The following STARD13 variants were observed in gnomAD, a reference collection of about 807,000 sequenced individuals.
The protein encoded by STARD13 is StAR related lipid transfer domain containing 13, also known as stAR-related lipid transfer protein 13.
Under a neutral mutation model 106.4 loss-of-function variants are expected in STARD13, and 62 were observed. That is an observed-to-expected ratio of 0.58 (90% CI 0.48 to 0.72). The LOEUF is 0.72. Among genes scored for constraint, STARD13 ranks in the 30% least tolerant of loss-of-function variants. The pLI is 0.00. For missense variants in STARD13, 1,387 were observed against 1,424.0 expected, an observed-to-expected ratio of 0.97 and a Z score of 0.42; for synonymous variants, 565 against 553.0, an observed-to-expected ratio of 1.02 and a Z score of -0.31.
chr13:33,308,707 A>G (rs1246373511), intron 1 of STARD13, among the ~76,000 whole-genome samples: 1 of 151,722 alleles, frequency 6.6e-6, no homozygotes, highest in African/African-American at 2.4e-5. Flanking sequence ...TGTTTTTAGT[A>G]GAGACAACGT....
rs1329397581 is a variant in STARD13 at position 33,338,950 on chromosome 13, G to T, written c.124+11340C>A. Among the ~76,000 whole-genome samples, 4 of 151,844 alleles carry T rather than the reference G, an allele frequency of 2.6e-5. No individual in the cohort carries two copies. In the South Asian group the frequency reaches 8.3e-4, roughly 32 times the overall value. On this transcript the variant is annotated intron_variant, in intron 1 of 5. Coordinates refer to the STARD13 transcript ENST00000567873. ...AAAGCATATGAATCTAGAAGTGAAG[G>T]AAATGGGTGGTTTCGGGTGGGGGTT...
At chr13:33,161,583 G>T (rs1882631475) in intron 3 of STARD13, among the ~76,000 whole-genome samples, 1 of 152,166 alleles carries the variant, frequency 6.6e-6, no homozygotes, top group Non-Finnish European at 1.5e-5. Context: ...CCAAAGTGCT[G>T]GGATTACAGG....
At chr13:33,384,463 C>T in the STARD13 span, among the ~76,000 whole-genome samples, 84 of 152,042 alleles carry the variant, frequency 5.5e-4, no homozygotes, top group African/African-American at 6.0e-4. Context: ...TCCACTGGCC[C>T]GAGAAAGCAA....
chr13:33,171,593 A>G (rs1237261899), intron 1 of STARD13, among the ~76,000 whole-genome samples: 1 of 152,198 alleles, frequency 6.6e-6, no homozygotes, highest in African/African-American at 2.4e-5. Flanking sequence ...CACACTCCCT[A>G]GCCCTATCAC....
the STARD13 span, among the ~76,000 whole-genome samples, chr13:33,561,306 A>T: frequency 6.6e-6 from 1 of 151,416 alleles, no homozygotes; most frequent in Non-Finnish European, 1.5e-5. Context: ...AAAAACATGG[A>T]GTTTTTATGG....
chr13:33,628,946 C>A, the STARD13 span, among the ~76,000 whole-genome samples: 3 of 152,188 alleles, frequency 2.0e-5, no homozygotes, highest in African/African-American at 7.2e-5. Flanking sequence ...TTGCTCAGTG[C>A]CAATGATCAA....
chr13:33,668,620 G>A, the STARD13 span, among the ~76,000 whole-genome samples: 1 of 152,236 alleles, frequency 6.6e-6, no homozygotes, highest in Non-Finnish European at 1.5e-5. Context: ...TACAGATGGA[G>A]ACTAAAGAGA....
At chr13:33,362,536 A>G in the STARD13 span, among the ~76,000 whole-genome samples, 114 of 152,154 alleles carry the variant, frequency 7.5e-4, 1 homozygote, top group South Asian at 1.7e-3. Flanking sequence ...TGATACCTCT[A>G]TTTTACTTGT....
At chr13:33,415,242 C>A in the STARD13 span, among the ~76,000 whole-genome samples, 298 of 152,240 alleles carry the variant, frequency 2.0e-3, no homozygotes, top group African/African-American at 4.4e-3. Flanking sequence ...GTGGCGGGCG[C>A]CTGTAGTCCC....
chr13:33,476,182 TTTAA>T, the STARD13 span, among the ~76,000 whole-genome samples: 3 of 152,192 alleles, frequency 2.0e-5, no homozygotes. Flanking sequence ...CTCAAATTAC[TTTAA>T]TTGTGTTTAC....
chr13:33,222,658 T>A (rs757459735), intron 1 of STARD13, among the ~76,000 whole-genome samples: 7 of 152,236 alleles, frequency 4.6e-5, no homozygotes, highest in African/African-American at 1.7e-4. Flanking sequence ...TCATGTCTAC[T>A]TCTCCTGGGT....
the STARD13 span, among the ~76,000 whole-genome samples, chr13:33,657,225 G>A: frequency 6.6e-6 from 1 of 152,164 alleles, no homozygotes; most frequent in Non-Finnish European, 1.5e-5. Flanking sequence ...AGCAGAGATT[G>A]TGCCACTGCA....
the STARD13 span, among the ~76,000 whole-genome samples, chr13:33,428,032 C>G: frequency 2.0e-5 from 3 of 151,582 alleles, 1 homozygote; most frequent in East Asian, 5.8e-4. Context: ...CATACATTTA[C>G]AGCCAACTCT....
chr13:33,171,646 C>T (rs1883973956), intron 1 of STARD13, among the ~76,000 whole-genome samples: 1 of 152,210 alleles, frequency 6.6e-6, no homozygotes, highest in South Asian at 2.1e-4. Flanking sequence ...AGCACCCCAT[C>T]CCTGTTAGTC....
chr13:33,662,643 T>A, the STARD13 span, among the ~76,000 whole-genome samples: 1 of 152,164 alleles, frequency 6.6e-6, no homozygotes, highest in Non-Finnish European at 1.5e-5. Flanking sequence ...AACCTCCCCC[T>A]CTTTATCAGA....
intron 1 of STARD13, among the ~76,000 whole-genome samples, chr13:33,248,990 C>T (rs1889966006): frequency 6.6e-6 from 1 of 152,154 alleles, no homozygotes; most frequent in African/African-American, 2.4e-5. Flanking sequence ...AACAAAACTC[C>T]TTTTTCCCCT....
chr13:33,514,196 A>G, the STARD13 span, among the ~76,000 whole-genome samples: 7 of 152,340 alleles, frequency 4.6e-5, no homozygotes, highest in African/African-American at 1.7e-4. Flanking sequence ...AAATCTGGCT[A>G]TGATTCAGTA....
chr13:33,657,139 G>A, the STARD13 span, among the ~76,000 whole-genome samples: 2 of 152,102 alleles, frequency 1.3e-5, no homozygotes, highest in African/African-American at 4.8e-5. Context: ...GCGTGGTGGC[G>A]GGCGCCTATA....
chr13:33,540,782 A>C, the STARD13 span, among the ~76,000 whole-genome samples: 1 of 152,222 alleles, frequency 6.6e-6, no homozygotes, highest in African/African-American at 2.4e-5. Context: ...AATTTGAGGA[A>C]GGAAAAGAAT....
Sources: gnomAD v4.1 joint callset for allele counts (sites outside exome capture counted in the v4.1 genomes callset) on GRCh38, gnomAD v4.1.1 for gene constraint, MANE v1.5 for transcripts, NCBI Gene and HGNC (gene_info 2026-07-23, HGNC 2026-07-21) for gene names.